PDE7B: variants seen among roughly 807,000 people sequenced by gnomAD.
The protein encoded by PDE7B is 3',5'-cyclic-AMP phosphodiesterase 7B.
A neutral mutation model predicts 56.2 loss-of-function variants in PDE7B; 29 were observed. The ratio of observed to expected loss-of-function variants is 0.52; its 90% CI spans 0.38 to 0.70. PDE7B has a LOEUF of 0.70. PDE7B is among the 30% of genes least tolerant of loss of function. The pLI, the probability that PDE7B is intolerant of heterozygous loss-of-function variation, is 0.00. For synonymous variants in PDE7B, 197 were observed against 196.9 expected (o/e 1.00, Z 0.00); for missense variants, 490 against 565.0 (o/e 0.87, Z 1.35).
chr6:136,008,663 C>G (rs905034199), intron 2 of PDE7B, among the ~76,000 whole-genome samples: 1 of 152,196 alleles, frequency 6.6e-6, no homozygotes, highest in Non-Finnish European at 1.5e-5. Flanking sequence ...CGTCCTTCGC[C>G]CACTTTTCGA....
At chr6:136,077,245 C>T (rs1055927299) in intron 2 of PDE7B, among the ~76,000 whole-genome samples, 6 of 152,100 alleles carry the variant, frequency 3.9e-5, no homozygotes, top group African/African-American at 1.4e-4. Context: ...AATCTCCGAT[C>T]CACTGTGCTT....
intron 1 of PDE7B, among the ~76,000 whole-genome samples, chr6:135,945,742 C>G (rs1397478485): frequency 6.6e-6 from 1 of 152,098 alleles, no homozygotes. Context: ...GTGAATGTAG[C>G]TCATCTTCGG....
intron 2 of PDE7B, among the ~76,000 whole-genome samples, chr6:135,981,200 C>A (rs1171471899): frequency 1.3e-5 from 2 of 148,470 alleles, no homozygotes; most frequent in East Asian, 2.0e-4. Context: ...AACCAAACAC[C>A]GAATATTCTC....
intron 1 of PDE7B, among the ~76,000 whole-genome samples, chr6:135,919,201 A>G (rs1463847696): frequency 6.6e-6 from 1 of 152,162 alleles, no homozygotes; most frequent in Admixed American, 6.5e-5. Context: ...CAATCTTTCC[A>G]CTTGTGCTAC....
chr6:136,195,077 C>G lies in PDE7B; in HGVS notation c.*3237C>G, dbSNP rs759555345. The G allele has an allele frequency of 4.6e-5, 7 of 152,116 alleles. No individual in the cohort carries two copies. Among genetic ancestry groups the G allele is most frequent in the Non-Finnish European group, 1.0e-4 (7 of 68,032 alleles). The allele number at this position is 152,116 out of a possible 1,614,324, so 9.4% of individuals were successfully genotyped here. ...CGGTAAAGTTAAGATTAAATTAAGA[C>G]AGAGAGAGAATACATATCACTGCCA... On this transcript the variant is annotated 3_prime_UTR_variant, in exon 13 of 13. Transcript: ENST00000308191.
At chr6:135,862,552 C>G (rs1775170661) in intron 1 of PDE7B, among the ~76,000 whole-genome samples, 1 of 151,764 alleles carries the variant, frequency 6.6e-6, no homozygotes, top group Non-Finnish European at 1.5e-5. Flanking sequence ...AAATATTACC[C>G]TAGTAAAAAT....
chr6:136,178,845 C>T (rs535440023), intron 9 of PDE7B, 152 bp from the exon 10 acceptor site: 9 of 772,042 alleles, frequency 1.2e-5, no homozygotes, highest in East Asian at 2.6e-5. Context: ...GGGAGACTTG[C>T]TCTCAGGCAG....
chr6:135,994,415 C>G (rs1014271009), intron 2 of PDE7B, among the ~76,000 whole-genome samples: 2 of 152,142 alleles, frequency 1.3e-5, no homozygotes. Context: ...TCTGAAGCTT[C>G]TATTTCACCA....
chr6:136,054,614 G>A (rs1358127852), intron 2 of PDE7B, among the ~76,000 whole-genome samples: 1 of 152,112 alleles, frequency 6.6e-6, no homozygotes, highest in Non-Finnish European at 1.5e-5. Context: ...AGCTCGATGC[G>A]GATGGCATTG....
At chr6:135,970,048 A>T (rs78257499) in intron 2 of PDE7B, among the ~76,000 whole-genome samples, 1 of 152,112 alleles carries the variant, frequency 6.6e-6, no homozygotes, top group African/African-American at 2.4e-5. Flanking sequence ...CCAGCAATTT[A>T]TTGTTTCTGT....
chr6:136,110,200 A>G (rs1426230119), intron 3 of PDE7B, among the ~76,000 whole-genome samples: 1 of 152,072 alleles, frequency 6.6e-6, no homozygotes, highest in South Asian at 2.1e-4. Flanking sequence ...ACCCTCAAAA[A>G]TGCTTTTTGG....
chr6:136,098,971 T>G (rs1321553312), intron 2 of PDE7B, among the ~76,000 whole-genome samples: 1 of 110,398 alleles, frequency 9.1e-6, no homozygotes, highest in African/African-American at 3.6e-5. Context: ...TTCCCCTCCC[T>G]GTGTCCATGT....
At chr6:135,956,615 C>CA (rs1418421267) in intron 2 of PDE7B, among the ~76,000 whole-genome samples, 1 of 151,986 alleles carries the variant, frequency 6.6e-6, no homozygotes, top group South Asian at 2.1e-4. Context: ...TCCATCTCTA[C>CA]AAAAAATACA....
chr6:135,932,797 T>G (rs552689846), intron 1 of PDE7B, among the ~76,000 whole-genome samples: 51 of 152,310 alleles, frequency 3.3e-4, no homozygotes, highest in African/African-American at 1.2e-3. Flanking sequence ...TTACACTTGC[T>G]TAATGATTTG....
chr6:136,129,134 A>G (rs549833225), intron 3 of PDE7B, among the ~76,000 whole-genome samples: 6 of 152,314 alleles, frequency 3.9e-5, no homozygotes, highest in African/African-American at 1.4e-4. Flanking sequence ...ATTCATTTCA[A>G]TCTTTTACCT....
At chr6:135,975,904 A>C (rs1173067296) in intron 2 of PDE7B, among the ~76,000 whole-genome samples, 2 of 152,186 alleles carry the variant, frequency 1.3e-5, no homozygotes, top group Admixed American at 1.3e-4. Flanking sequence ...TGAGCTGGAG[A>C]GGATGTCTCC....
At chr6:136,030,225 GT>G (rs1277383186) in intron 2 of PDE7B, among the ~76,000 whole-genome samples, 4 of 152,144 alleles carry the variant, frequency 2.6e-5, no homozygotes, top group Non-Finnish European at 5.9e-5. Flanking sequence ...TATTCTAAGC[GT>G]TCTTGTTTAG....
At chr6:135,989,375 AG>A (rs1775435217) in intron 2 of PDE7B, among the ~76,000 whole-genome samples, 1 of 152,184 alleles carries the variant, frequency 6.6e-6, no homozygotes, top group South Asian at 2.1e-4. Flanking sequence ...ACACTTTGGA[AG>A]GCAAAGGCAG....
intron 2 of PDE7B, chr6:136,071,412 C>G (rs1158302799): frequency 3.3e-5 from 5 of 152,162 alleles, no homozygotes; most frequent in African/African-American, 1.2e-4. Context: ...GCACAAAGTT[C>G]AGAATCACTA....
Sources: allele counts gnomAD v4.1 joint callset (sites outside exome capture counted in the v4.1 genomes callset), GRCh38; gene constraint gnomAD v4.1.1; transcripts MANE v1.5; gene names NCBI Gene and HGNC (gene_info 2026-07-23, HGNC 2026-07-21).